RBMS3: variants seen among roughly 807,000 people sequenced by gnomAD.
RBMS3 encodes the protein RNA-binding motif, single-stranded-interacting protein 3.
RBMS3 carries 27 observed loss-of-function variants against 66.8 expected under a neutral mutation model. The ratio of observed to expected loss-of-function variants is 0.40; its 90% CI spans 0.30 to 0.56. RBMS3 has a LOEUF of 0.56. Ranked by LOEUF, RBMS3 falls within the 20% of genes least tolerant of loss-of-function variation. The probability of loss-of-function intolerance (pLI) is 0.40; values close to 1 mark genes in which losing one functional copy is unlikely to be tolerated. For missense variants in RBMS3, 513 were observed against 549.5 expected (o/e 0.93, Z 0.66); for synonymous variants, 188 against 183.0 (o/e 1.03, Z -0.22).
intron 4 of RBMS3, among the ~76,000 whole-genome samples, chr3:29,644,583 T>A (rs967992114): frequency 1.3e-5 from 2 of 152,172 alleles, no homozygotes; most frequent in African/African-American, 4.8e-5. Context: ...TAGGTTTAGA[T>A]CTCACAAATG....
chr3:29,610,338 T>A (rs1000686502), intron 4 of RBMS3, among the ~76,000 whole-genome samples: 4 of 152,072 alleles, frequency 2.6e-5, no homozygotes, highest in African/African-American at 9.7e-5. Context: ...TTTGTCATGT[T>A]CTTTCTCAAG....
At chr3:29,733,451 C>A (rs1420217227) in intron 4 of RBMS3, among the ~76,000 whole-genome samples, 1 of 151,844 alleles carries the variant, frequency 6.6e-6, no homozygotes, top group Non-Finnish European at 1.5e-5. Flanking sequence ...TACTGTTTTC[C>A]ATAATGGCTA....
chr3:29,912,040 G>A (rs1406807211), intron 10 of RBMS3, among the ~76,000 whole-genome samples: 1 of 151,964 alleles, frequency 6.6e-6, no homozygotes. Context: ...GATGATGAAT[G>A]AATGGATGGA....
chr3:29,490,143 AAAATTTAATTTAAAATT>A lies in RBMS3; in HGVS notation c.307+1665_307+1681del, dbSNP rs1167357807. ...ATGATATCCTGGATATTTTAAATTT[AAAATTTAATTTAAAATT>A]AAATTTAATTTAAAATTAAAATTTA... On this transcript the variant is annotated intron_variant, in intron 3 of 14. Transcript: ENST00000383767. 1.1e-4 allele frequency among the ~76,000 whole-genome samples: 17 copies of A among 151,346 alleles called. No homozygotes were observed. The South Asian group carries it at 1.7e-3, about 15-fold the overall frequency.
intron 4 of RBMS3, among the ~76,000 whole-genome samples, chr3:29,678,360 G>A (rs891627012): frequency 1.3e-5 from 2 of 152,068 alleles, no homozygotes; most frequent in Non-Finnish European, 2.9e-5. Flanking sequence ...ATTATTAGGG[G>A]TTAGGAAGTA....
intron 4 of RBMS3, among the ~76,000 whole-genome samples, chr3:29,662,824 T>C (rs1278660481): frequency 6.6e-6 from 1 of 152,180 alleles, no homozygotes; most frequent in African/African-American, 2.4e-5. Flanking sequence ...AATACAAAGC[T>C]TGTGCTGCCC....
intron 6 of RBMS3, among the ~76,000 whole-genome samples, chr3:29,867,935 C>A (rs1478584367): frequency 1.1e-4 from 17 of 151,960 alleles, no homozygotes; most frequent in Non-Finnish European, 1.5e-5. Context: ...ACCTTCCCAG[C>A]CATATTAATG....
At position 29,861,362 on chromosome 3, in the gene RBMS3, A is replaced by C. The variant is rs572279064; in HGVS notation, c.638-7496A>C. On this transcript the variant is annotated intron_variant, in intron 6 of 14. Coordinates refer to ENST00000383767, the MANE Select transcript of RBMS3 (RefSeq NM_001003793.3). ...TCCTGAAGATTTGGAACCTATCTGA[A>C]ATGAGGAATTTTTAAATTTAAGAGT... Among the ~76,000 whole-genome samples the C allele has an allele frequency of 4.6e-5, 7 of 152,278 alleles. No individual in the cohort carries two copies. The East Asian group carries it at 1.4e-3, about 29-fold the overall frequency.
At chr3:29,823,147 T>C (rs886786098) in intron 6 of RBMS3, among the ~76,000 whole-genome samples, 6 of 152,146 alleles carry the variant, frequency 3.9e-5, no homozygotes, top group African/African-American at 1.2e-4. Flanking sequence ...CTGCATACTA[T>C]AAATATACAG....
chr3:29,714,357 C>T (rs1329859519), intron 4 of RBMS3, among the ~76,000 whole-genome samples: 1 of 152,130 alleles, frequency 6.6e-6, no homozygotes, highest in Non-Finnish European at 1.5e-5. Flanking sequence ...GCCTATGCAA[C>T]AGATGGGTTA....
At chr3:29,387,024 C>G (rs1317056889) in intron 1 of RBMS3, among the ~76,000 whole-genome samples, 1 of 152,184 alleles carries the variant, frequency 6.6e-6, no homozygotes, top group Non-Finnish European at 1.5e-5. Context: ...TTACCGGTTA[C>G]CCCTTCTCAA....
chr3:29,371,043 A>G (rs539933113), intron 1 of RBMS3, among the ~76,000 whole-genome samples: 7 of 152,292 alleles, frequency 4.6e-5, no homozygotes, highest in East Asian at 3.9e-4. Context: ...TTTTTAAGCG[A>G]TCTTTGTTTG....
chr3:29,366,702 G>T (rs2037928512), intron 1 of RBMS3, among the ~76,000 whole-genome samples: 1 of 152,132 alleles, frequency 6.6e-6, no homozygotes, highest in African/African-American at 2.4e-5. Context: ...GAACTAGAGG[G>T]AATGCGGTAT....
intron 1 of RBMS3, among the ~76,000 whole-genome samples, chr3:29,389,708 T>A (rs1364280525): frequency 6.6e-6 from 1 of 152,172 alleles, no homozygotes; most frequent in Non-Finnish European, 1.5e-5. Context: ...ACTAGGGAAG[T>A]GGGCCCCAAA....
At chr3:29,995,296 C>T (rs202098854) in intron 14 of RBMS3, among the ~76,000 whole-genome samples, 6,586 of 82,870 alleles carry the variant, frequency 0.079, no homozygotes, top group Non-Finnish European at 0.087. Flanking sequence ...GATTGGTGTA[C>T]CTGAAAGTGA....
At chr3:29,992,379 G>T (rs1447306518) in intron 14 of RBMS3, among the ~76,000 whole-genome samples, 3 of 152,144 alleles carry the variant, frequency 2.0e-5, no homozygotes, top group Non-Finnish European at 4.4e-5. Context: ...GAGGTCAGGA[G>T]ATAGAGACCA....
chr3:29,296,879 C>G (rs1008971001), intron 1 of RBMS3, among the ~76,000 whole-genome samples: 1 of 146,964 alleles, frequency 6.8e-6, no homozygotes, highest in Non-Finnish European at 1.5e-5. Flanking sequence ...AAAAGATGAC[C>G]TTTTTTTTTT....
chr3:29,880,876 C>T, intron 7 of RBMS3: 2 of 1,464,610 alleles, frequency 1.4e-6, no homozygotes, highest in Admixed American at 3.9e-5. Context: ...ACCTTAGATT[C>T]TCTCCACCTC....
chr3:29,996,692 C>A (rs1699267963), intron 14 of RBMS3, among the ~76,000 whole-genome samples: 1 of 152,000 alleles, frequency 6.6e-6, no homozygotes, highest in Non-Finnish European at 1.5e-5. Context: ...GAAATGAAGG[C>A]AGAAATAAAG....
Sources: allele counts gnomAD v4.1 joint callset (sites outside exome capture counted in the v4.1 genomes callset), GRCh38; gene constraint gnomAD v4.1.1; transcripts MANE v1.5; gene names NCBI Gene and HGNC (gene_info 2026-07-23, HGNC 2026-07-21).